The following GPC6 variants were observed in gnomAD, a reference collection of about 807,000 sequenced individuals.
GPC6 encodes glypican-6.
In GPC6, 14 loss-of-function variants were observed where a neutral mutation model predicts 55.2. The ratio of observed to expected loss-of-function variants is 0.25; its 90% CI spans 0.17 to 0.40. The LOEUF is 0.40. Ranked by LOEUF, GPC6 falls within the 10% of genes least tolerant of loss-of-function variation. The probability of loss-of-function intolerance (pLI) is 1.00; values close to 1 mark genes in which losing one functional copy is unlikely to be tolerated. For synonymous variants in GPC6, 278 were observed against 259.6 expected, an observed-to-expected ratio of 1.07 and a Z score of -0.68; for missense variants, 641 against 708.5, an observed-to-expected ratio of 0.90 and a Z score of 1.08.
intron 4 of GPC6, among the ~76,000 whole-genome samples, chr13:94,230,665 C>A (rs996231987): frequency 1.3e-5 from 2 of 152,156 alleles, no homozygotes; most frequent in African/African-American, 4.8e-5. Flanking sequence ...TTCCCTTGAC[C>A]TAAATGATCA....
At chr13:94,280,365 A>T (rs900642995) in intron 4 of GPC6, among the ~76,000 whole-genome samples, 1 of 152,174 alleles carries the variant, frequency 6.6e-6, no homozygotes, top group Non-Finnish European at 1.5e-5. Flanking sequence ...TTTCCGGGTC[A>T]TTCAGATCCT....
At position 93,676,154 on chromosome 13, in the gene GPC6, TATATATATATATATAC is replaced by T. The variant is rs1333906150; in HGVS notation, c.319+130737_319+130752del. ...ATATATATATATATATATATATATA[TATATATATATATATAC>T]ATACACACACACACACACACATATA... On this transcript the variant is annotated intron_variant, in intron 2 of 8. Transcript: ENST00000377047. Among the ~76,000 whole-genome samples, 45 of 17,630 alleles carry T rather than the reference TATATATATATATATAC, an allele frequency of 2.6e-3. 1 individual carries two copies. The highest frequency in any genetic ancestry group is 3.4e-3 in the African/African-American group (39 of 11,548). 11.6% of individuals were successfully genotyped at this position (17,630 alleles called of 152,430 possible).
chr13:93,966,388 AG>A (rs1464428260), intron 3 of GPC6, among the ~76,000 whole-genome samples: 4 of 152,232 alleles, frequency 2.6e-5, no homozygotes, highest in African/African-American at 9.6e-5. Flanking sequence ...TTTCCTTTAC[AG>A]GGTAGACTTT....
chr13:93,598,815 G>A (rs1202390055), intron 2 of GPC6, among the ~76,000 whole-genome samples: 1 of 152,122 alleles, frequency 6.6e-6, no homozygotes, highest in Non-Finnish European at 1.5e-5. Context: ...ATTCAAATAG[G>A]ATGAAATTAA....
chr13:93,583,237 C>A (rs533747202), intron 2 of GPC6, among the ~76,000 whole-genome samples: 1 of 152,314 alleles, frequency 6.6e-6, no homozygotes, highest in African/African-American at 2.4e-5. Context: ...ATGCTACCAT[C>A]TCTCAGCATT....
At chr13:94,395,677 A>G (rs1282929506) in intron 7 of GPC6, among the ~76,000 whole-genome samples, 1 of 152,266 alleles carries the variant, frequency 6.6e-6, no homozygotes, top group Non-Finnish European at 1.5e-5. Flanking sequence ...AAGAATTTCA[A>G]GCATATGGAT....
chr13:94,012,461 T>G (rs1882287358), intron 3 of GPC6, among the ~76,000 whole-genome samples: 1 of 152,174 alleles, frequency 6.6e-6, no homozygotes, highest in Non-Finnish European at 1.5e-5. Flanking sequence ...TAGATAGCAT[T>G]AATGCAACCT....
intron 2 of GPC6, among the ~76,000 whole-genome samples, chr13:93,785,502 G>GGTAC (rs1177208972): frequency 1.3e-5 from 2 of 152,066 alleles, no homozygotes; most frequent in Non-Finnish European, 2.9e-5. Flanking sequence ...TGACACAGAT[G>GGTAC]GTACGTAGAT....
At chr13:93,262,026 G>C (rs531826107) in intron 1 of GPC6, among the ~76,000 whole-genome samples, 1 of 151,742 alleles carries the variant, frequency 6.6e-6, no homozygotes, top group African/African-American at 2.4e-5. Context: ...TGATGTTGGA[G>C]TCAAGATACA....
intron 4 of GPC6, among the ~76,000 whole-genome samples, chr13:94,209,746 G>C (rs923269356): frequency 1.3e-5 from 2 of 152,010 alleles, no homozygotes; most frequent in African/African-American, 4.8e-5. Flanking sequence ...GAAAATAAAT[G>C]ACTAAAGATT....
At chr13:94,379,984 C>T (rs1880084272) in intron 6 of GPC6, among the ~76,000 whole-genome samples, 2 of 152,246 alleles carry the variant, frequency 1.3e-5, no homozygotes, top group South Asian at 4.1e-4. Flanking sequence ...CAAGAACGCA[C>T]CCCGAAGAAG....
intron 3 of GPC6, among the ~76,000 whole-genome samples, chr13:94,010,089 A>G (rs1212437196): frequency 2.0e-5 from 3 of 152,174 alleles, no homozygotes; most frequent in Admixed American, 6.5e-5. Flanking sequence ...CAAATTGAAG[A>G]TCAAATAATC....
chr13:93,421,397 T>C (rs1463747378), intron 1 of GPC6, among the ~76,000 whole-genome samples: 1 of 151,970 alleles, frequency 6.6e-6, no homozygotes, highest in Non-Finnish European at 1.5e-5. Context: ...GCTTTTAGCA[T>C]TATTGTTATT....
At chr13:93,760,027 A>AAC (rs771151503) in intron 2 of GPC6, among the ~76,000 whole-genome samples, 212 of 151,386 alleles carry the variant, frequency 1.4e-3, no homozygotes, top group African/African-American at 4.6e-3. Flanking sequence ...TGAGAAAACA[A>AAC]AAAAAAAAAT....
intron 3 of GPC6, among the ~76,000 whole-genome samples, chr13:93,912,681 T>G (rs925226452): frequency 1.3e-5 from 2 of 152,140 alleles, no homozygotes; most frequent in African/African-American, 4.8e-5. Context: ...AGGCAGAGCT[T>G]GCAGTGAGCC....
intron 3 of GPC6, among the ~76,000 whole-genome samples, chr13:93,968,767 A>G (rs1880156436): frequency 6.6e-6 from 1 of 152,196 alleles, no homozygotes; most frequent in Non-Finnish European, 1.5e-5. Context: ...ATTTCCACAG[A>G]TCTCTTCTTA....
chr13:93,952,999 A>G (rs941240930), intron 3 of GPC6, among the ~76,000 whole-genome samples: 4 of 151,188 alleles, frequency 2.6e-5, no homozygotes, highest in Admixed American at 6.6e-5. Flanking sequence ...CAGAATTCTC[A>G]AACTTTCCAT....
Position 93,634,879 on chromosome 13 carries a change from T to C in GPC6, c.319+89458T>C, listed in dbSNP as rs922981668. ...TTAACTTTTTATAGTAAAAGAAAGG[T>C]GAAAGAAAAATGAATAGGAACAACT... On this transcript the variant is annotated intron_variant, in intron 2 of 8. Coordinates refer to ENST00000377047, the MANE Select transcript of GPC6 (RefSeq NM_005708.5). Among the ~76,000 whole-genome samples the C allele has an allele frequency of 4.6e-5, 7 of 152,100 alleles. No individual in the cohort carries two copies. In the South Asian group the frequency reaches 1.0e-3, roughly 23 times the overall value.
intron 2 of GPC6, among the ~76,000 whole-genome samples, chr13:93,705,982 G>C (rs143647015): frequency 1.3e-5 from 2 of 151,824 alleles, no homozygotes; most frequent in East Asian, 3.9e-4. Context: ...TAACCAAGCA[G>C]AATGTCTTGG....
Sources: gnomAD v4.1 joint callset for allele counts (sites outside exome capture counted in the v4.1 genomes callset) on GRCh38, gnomAD v4.1.1 for gene constraint, MANE v1.5 for transcripts, NCBI Gene and HGNC (gene_info 2026-07-23, HGNC 2026-07-21) for gene names.